The following ISM1 variants were observed in gnomAD, a reference collection of about 807,000 sequenced individuals.
ISM1 encodes isthmin-1.
In ISM1, 25 loss-of-function variants were observed where a neutral mutation model predicts 46.3. That is an observed-to-expected ratio of 0.54 (90% confidence interval 0.39 to 0.75). The LOEUF (loss-of-function observed/expected upper bound fraction) is 0.75, where lower values mean the gene tolerates loss of function less well. Among genes scored for constraint, ISM1 ranks in the 30% least tolerant of loss-of-function variants. The pLI, the probability that ISM1 is intolerant of heterozygous loss-of-function variation, is 0.00. For synonymous variants in ISM1, 255 were observed against 256.7 expected, an observed-to-expected ratio of 0.99 and a Z score of 0.06; for missense variants, 536 against 625.4, an observed-to-expected ratio of 0.86 and a Z score of 1.52.
rs1456476428 is a variant in ISM1, at chr20:13,292,448, A to C, written c.862A>C (p.Lys288Gln). 1.9e-6 allele frequency: 3 copies of C among 1,599,242 alleles called. No individual in the cohort carries two copies. Among genetic ancestry groups the C allele is most frequent in the Non-Finnish European group, 2.6e-6 (3 of 1,171,944 alleles). Residue 288 changes from lysine (K) to glutamine (Q), a missense_variant, in exon 5 of 6, where the codon AAA (lysine) becomes CAA (glutamine). Physicochemically the swap from Lys to Gln is moderately conservative, Grantham distance 53. This residue lies in a region of ISM1 where 169 missense variants were observed against 249.3 expected (regional missense o/e 0.68). Coordinates refer to ENST00000262487, the MANE Select transcript of ISM1 (RefSeq NM_080826.2). ...LAGSEEFNAT[K>Q]LFEVDTDSCE... The stretch of plus-strand genomic sequence containing the variant: ...GGGAAGCGAGGAGTTTAATGCCACC[A>C]AACTGTTTGAAGTTGGTAAGATTTT...
intron 3 of ISM1, among the ~76,000 whole-genome samples, chr20:13,281,744 TGA>T (rs2040240351): frequency 6.6e-6 from 1 of 152,038 alleles, no homozygotes; most frequent in African/African-American, 2.4e-5. Flanking sequence ...CGCCACTGAG[TGA>T]GAGAAGCACA....
At chr20:13,320,176 G>T in the ISM1 span, among the ~76,000 whole-genome samples, 1 of 152,224 alleles carries the variant, frequency 6.6e-6, no homozygotes, top group Admixed American at 6.5e-5. Flanking sequence ...GGGCTCATGG[G>T]TCCTGGAAGA....
intron 2 of ISM1, among the ~76,000 whole-genome samples, chr20:13,274,534 C>T (rs2040153655): frequency 1.3e-5 from 2 of 152,174 alleles, no homozygotes; most frequent in African/African-American, 2.4e-5. Flanking sequence ...CCCGCCTTCC[C>T]CTCCGCACCT....
downstream of ISM1, among the ~76,000 whole-genome samples, chr20:13,303,067 G>A (rs767103057): frequency 7.2e-5 from 11 of 152,168 alleles, no homozygotes; most frequent in African/African-American, 1.7e-4. Flanking sequence ...ACAGGAGACC[G>A]GCATTATTAC....
chr20:13,253,003 A>G (rs753501491), intron 1 of ISM1, among the ~76,000 whole-genome samples: 10 of 152,124 alleles, frequency 6.6e-5, no homozygotes, highest in Non-Finnish European at 4.4e-5. Flanking sequence ...TCCATTAGCC[A>G]ATCTGGAACC....
intron 1 of ISM1, among the ~76,000 whole-genome samples, chr20:13,265,050 C>T (rs531842289): frequency 1.2e-4 from 18 of 152,166 alleles, no homozygotes; most frequent in Non-Finnish European, 2.1e-4. Flanking sequence ...GCGTTGGGCC[C>T]GATGTGTATA....
At chr20:13,282,629 C>A (rs959982520) in intron 3 of ISM1, among the ~76,000 whole-genome samples, 3 of 152,190 alleles carry the variant, frequency 2.0e-5, no homozygotes, top group Non-Finnish European at 4.4e-5. Flanking sequence ...CATGGAGAAG[C>A]TCCATCCTGT....
chr20:13,221,818 G>A lies in ISM1; in HGVS notation c.42G>A (p.Leu14=). The A allele has an allele frequency of 6.9e-7, 1 of 1,458,522 alleles. No homozygotes were observed. Among genetic ancestry groups the A allele is most frequent in the Non-Finnish European group, 9.0e-7 (1 of 1,111,052 alleles). The allele number at this position is 1,458,522 out of a possible 1,614,324, so 90.3% of individuals were successfully genotyped here. Reference sequence around the variant, plus strand: ...CCGAGCTGCTGCTGCTGCTGGGGCTGCTGCTGCTCACGCTGCACATCACCG... The same window carrying A: ...CCGAGCTGCTGCTGCTGCTGGGGCTACTGCTGCTCACGCTGCACATCACCG... ...LAAELLLLLG[L]LLLTLHITVL... Residue 14 remains leucine (L), a synonymous_variant, in exon 1 of 6, where the codon CTG becomes CTA. Transcript: ENST00000262487.
intron 1 of ISM1, among the ~76,000 whole-genome samples, chr20:13,242,105 G>A (rs1346376635): frequency 6.6e-6 from 1 of 152,202 alleles, no homozygotes; most frequent in African/African-American, 2.4e-5. Flanking sequence ...GTGTCTTTAT[G>A]TAGAAGGTTT....
chr20:13,323,606 T>C, the ISM1 span, among the ~76,000 whole-genome samples: 1 of 152,250 alleles, frequency 6.6e-6, no homozygotes, highest in East Asian at 1.9e-4. Flanking sequence ...TCTCATTTAA[T>C]CTTTATAACT....
At chr20:13,223,849 C>T (rs2039481119) in intron 1 of ISM1, among the ~76,000 whole-genome samples, 1 of 152,062 alleles carries the variant, frequency 6.6e-6, no homozygotes, top group Non-Finnish European at 1.5e-5. Flanking sequence ...CTCATGGACT[C>T]ATGAAAAGCC....
At chr20:13,253,698 A>G (rs886676357) in intron 1 of ISM1, among the ~76,000 whole-genome samples, 8 of 152,030 alleles carry the variant, frequency 5.3e-5, no homozygotes, top group African/African-American at 1.9e-4. Context: ...CGATTCCAAC[A>G]CTGCTGGCCT....
intron 1 of ISM1, among the ~76,000 whole-genome samples, chr20:13,269,929 G>GTGGAAGGATGGA (rs1159763562): frequency 2.6e-5 from 2 of 77,874 alleles, no homozygotes; most frequent in Non-Finnish European, 5.4e-5. Flanking sequence ...GGGTGTGTGG[G>GTGGAAGGATGGA]TGGAAGGATG....
At chr20:13,246,095 C>T (rs1373265968) in intron 1 of ISM1, among the ~76,000 whole-genome samples, 2 of 151,920 alleles carry the variant, frequency 1.3e-5, no homozygotes, top group African/African-American at 2.4e-5. Context: ...GGTGAAACCC[C>T]GTCTCTACTG....
rs2040433977 is a variant in ISM1 at position 13,299,006 on chromosome 20, G to A, written c.942G>A (p.Lys314=). The A allele has an allele frequency of 1.2e-6, 2 of 1,613,650 alleles. No homozygotes were observed. Among genetic ancestry groups the A allele is most frequent in the African/African-American group, 1.3e-5 (1 of 75,044 alleles). ...KSEFLKKYMH[K]VMNDLPSCPC... ...AGTTCTTAAAGAAGTACATGCACAA[G>A]GTGATGAATGACCTGCCCAGCTGCC... Residue 314 remains lysine (K), a synonymous_variant, in exon 6 of 6, where the codon AAG becomes AAA. Coordinates refer to ENST00000262487, the MANE Select transcript of ISM1 (RefSeq NM_080826.2). This position sits in a 1 kb window ranked among gnomAD's most constrained non-coding sequence, Gnocchi z 5.8.
intron 1 of ISM1, among the ~76,000 whole-genome samples, chr20:13,261,789 GATA>G (rs1461099644): frequency 6.6e-6 from 1 of 152,170 alleles, no homozygotes; most frequent in Non-Finnish European, 1.5e-5. Flanking sequence ...CCTTAATTAG[GATA>G]ATAACTTGGC....
the ISM1 span, among the ~76,000 whole-genome samples, chr20:13,309,125 A>T: frequency 1.5e-3 from 229 of 152,332 alleles, 3 homozygotes; most frequent in African/African-American, 5.1e-3. Context: ...AAAACTCACA[A>T]TGCAAGGCTA....
intron 1 of ISM1, among the ~76,000 whole-genome samples, chr20:13,269,751 T>A (rs1467977945): frequency 6.6e-6 from 1 of 152,246 alleles, no homozygotes; most frequent in Admixed American, 6.5e-5. Flanking sequence ...CTTTCTTTTC[T>A]TCTTGGCAGT....
chr20:13,248,541 A>G (rs1305057746), intron 1 of ISM1, among the ~76,000 whole-genome samples: 1 of 152,234 alleles, frequency 6.6e-6, no homozygotes, highest in Non-Finnish European at 1.5e-5. Flanking sequence ...TTTCATAATA[A>G]ATAAGACCAT....
Sources: allele counts gnomAD v4.1 joint callset (sites outside exome capture counted in the v4.1 genomes callset), GRCh38; gene constraint gnomAD v4.1.1; regional missense constraint gnomAD v4.1.1; non-coding constraint Gnocchi (gnomAD v3.1); transcripts MANE v1.5; gene names NCBI Gene and HGNC (gene_info 2026-07-23, HGNC 2026-07-21).